The following CNOT10 variants were observed in gnomAD, a reference collection of about 807,000 sequenced individuals.
CNOT10 encodes CCR4-NOT transcription complex, subunit 10.
Under a neutral mutation model 94.6 loss-of-function variants are expected in CNOT10, and 30 were observed. The observed-to-expected ratio is 0.32, with a 90% confidence interval of 0.24 to 0.43. CNOT10 has a LOEUF of 0.43. Among genes scored for constraint, CNOT10 ranks in the 20% least tolerant of loss-of-function variants. CNOT10 has a pLI of 1.00. For synonymous variants in CNOT10, 289 were observed against 301.6 expected, an observed-to-expected ratio of 0.96 and a Z score of 0.43; for missense variants, 759 against 877.2, an observed-to-expected ratio of 0.87 and a Z score of 1.70.
Position 32,708,771 on chromosome 3 carries a change from A to G in CNOT10, c.381A>G (p.Thr127=), listed in dbSNP as rs1430958514. The G allele has an allele frequency of 1.2e-6, 2 of 1,613,442 alleles. No homozygotes were observed. The highest frequency in any genetic ancestry group is 2.2e-5 in the South Asian group (2 of 91,010). ...TTCTTTATCATCTGCGGCAGTATAC[A>G]GAAGCCATATCAGTTGGTGAAAAAC... The part of the protein sequence containing the change: ...AVILYHLRQY[T]EAISVGEKLY... The change falls in exon 4 of 19, where the codon ACA becomes ACG. Residue 127 remains threonine, a synonymous_variant. Coordinates refer to ENST00000328834, the MANE Select transcript of CNOT10 (RefSeq NM_015442.3).
chr3:32,764,670 CTT>C lies in CNOT10; in HGVS notation c.1877-8_1877-7del. On this transcript the variant is annotated splice_polypyrimidine_tract_variant and intron_variant, in intron 16 of 18. Transcript: ENST00000328834. Reference sequence around the variant, plus strand: ...CGGCCTCTTCACCAGTGTCTACACTCTTTTTCCCCAGCTGGTAAGCGGGCCCC... The same window carrying C: ...CGGCCTCTTCACCAGTGTCTACACTCTTTCCCCAGCTGGTAAGCGGGCCCC... 1 of 1,613,542 alleles carries C rather than the reference CTT, an allele frequency of 6.2e-7. No individual in the cohort carries two copies. The highest frequency in any genetic ancestry group is 8.5e-7 in the Non-Finnish European group (1 of 1,179,798).
chr3:32,745,956 C>G (rs1010621876), intron 13 of CNOT10, among the ~76,000 whole-genome samples: 2 of 152,210 alleles, frequency 1.3e-5, no homozygotes, highest in African/African-American at 4.8e-5. Context: ...TGCACCAATG[C>G]ACTCCAACCT....
At chr3:32,728,431 G>A (rs555743406) in intron 10 of CNOT10, among the ~76,000 whole-genome samples, 8 of 151,364 alleles carry the variant, frequency 5.3e-5, no homozygotes, top group Non-Finnish European at 7.4e-5. Flanking sequence ...GACCAGTCTG[G>A]ACAACATAGT....
chr3:32,714,525 A>G (rs895136942), intron 5 of CNOT10, among the ~76,000 whole-genome samples: 3 of 151,946 alleles, frequency 2.0e-5, no homozygotes, highest in African/African-American at 7.2e-5. Flanking sequence ...CCTGGCCAAC[A>G]TGGTGAAACC....
At chr3:32,745,788 C>G (rs1052112782) in intron 13 of CNOT10, among the ~76,000 whole-genome samples, 2 of 152,168 alleles carry the variant, frequency 1.3e-5, no homozygotes, top group African/African-American at 4.8e-5. Flanking sequence ...TGCTTGAGTC[C>G]AGGAATTTGA....
intron 17 of CNOT10, among the ~76,000 whole-genome samples, chr3:32,767,284 C>T (rs537440073): frequency 3.3e-5 from 5 of 152,116 alleles, no homozygotes; most frequent in Admixed American, 6.6e-5. Context: ...TTTGGGAGGC[C>T]GAGGCAGGCA....
At chr3:32,687,538 G>A (rs140839113) in intron 1 of CNOT10, among the ~76,000 whole-genome samples, 3,078 of 129,666 alleles carry the variant, frequency 0.024, 63 homozygotes, top group Middle Eastern at 0.1. Context: ...TGCAAGCTCC[G>A]CCTCCCGGGT....
At chr3:32,726,880 C>T (rs113063602) in intron 9 of CNOT10, among the ~76,000 whole-genome samples, 8,162 of 129,376 alleles carry the variant, frequency 0.063, 286 homozygotes, top group Middle Eastern at 0.15. Flanking sequence ...GAAGTCTCAC[C>T]CTGTTGCCCA....
intron 1 of CNOT10, chr3:32,695,732 T>C (rs1368507114): frequency 2.0e-6 from 3 of 1,535,934 alleles, no homozygotes; most frequent in Non-Finnish European, 2.6e-6. Flanking sequence ...AAAGTCAAGC[T>C]TATGGGTGAA....
intron 3 of CNOT10, among the ~76,000 whole-genome samples, chr3:32,708,250 C>T (rs1315307289): frequency 6.6e-6 from 1 of 152,124 alleles, no homozygotes; most frequent in African/African-American, 2.4e-5. Flanking sequence ...TGAAATCAAA[C>T]TATGAATACT....
At chr3:32,755,976 CGAG>C (rs967414404) in intron 13 of CNOT10, among the ~76,000 whole-genome samples, 58 of 152,012 alleles carry the variant, frequency 3.8e-4, no homozygotes, top group African/African-American at 1.3e-3. Flanking sequence ...GACAGTGACT[CGAG>C]GAAGTGGGGG....
chr3:32,767,555 A>G (rs76297228), intron 17 of CNOT10, among the ~76,000 whole-genome samples: 3,108 of 150,288 alleles, frequency 0.021, 60 homozygotes, highest in Middle Eastern at 0.074. Context: ...TGGCTTTCAC[A>G]TAGGTTCCTG....
At chr3:32,773,386 T>C (rs1346441973) in intron 18 of CNOT10, 71 bp from the exon 19 acceptor site, 1 of 1,469,556 alleles carries the variant, frequency 6.8e-7, no homozygotes, top group South Asian at 1.4e-5. Context: ...CCCAGCAGGA[T>C]TTTCATGTCT....
At chr3:32,709,488 G>A (rs1258696101) in intron 4 of CNOT10, among the ~76,000 whole-genome samples, 3 of 152,080 alleles carry the variant, frequency 2.0e-5, no homozygotes, top group African/African-American at 4.8e-5. Context: ...TATCAGGAAC[G>A]CCTGATTGCT....
intron 1 of CNOT10, among the ~76,000 whole-genome samples, chr3:32,703,078 A>T (rs1475120005): frequency 4.0e-5 from 5 of 124,248 alleles, no homozygotes; most frequent in Admixed American, 1.8e-4. Context: ...CGCCAAGCTA[A>T]TTTTTTTTTT....
At chr3:32,697,963 T>C (rs1028988814) in intron 1 of CNOT10, among the ~76,000 whole-genome samples, 2 of 152,212 alleles carry the variant, frequency 1.3e-5, no homozygotes, top group Admixed American at 1.3e-4. Context: ...ATGGTGACAA[T>C]ATGTGGATTG....
intron 1 of CNOT10, among the ~76,000 whole-genome samples, chr3:32,687,497 G>T (rs1169254968): frequency 8.9e-6 from 1 of 112,556 alleles, no homozygotes; most frequent in Non-Finnish European, 1.7e-5. Flanking sequence ...TGTCACCCAG[G>T]CTGGAGTGCA....
chr3:32,730,996 T>C (rs1698918628), intron 10 of CNOT10: 1 of 152,230 alleles, frequency 6.6e-6, no homozygotes, highest in African/African-American at 2.4e-5. Flanking sequence ...CCAGTTTGTT[T>C]TCATCTGTTG....
chr3:32,691,161 T>A (rs111554607), intron 1 of CNOT10, among the ~76,000 whole-genome samples: 1,445 of 45,834 alleles, frequency 0.032, 33 homozygotes, highest in African/African-American at 0.13. Flanking sequence ...ACAGCCAGCT[T>A]TTTTTTTTTT....
Sources: allele counts gnomAD v4.1 joint callset (sites outside exome capture counted in the v4.1 genomes callset), GRCh38; gene constraint gnomAD v4.1.1; transcripts MANE v1.5; gene names NCBI Gene and HGNC (gene_info 2026-07-23, HGNC 2026-07-21).